Variants in THSD1 observed in about 807,000 individuals in gnomAD.
THSD1 encodes thrombospondin type-1 domain-containing protein 1.
In THSD1, 34 loss-of-function variants were observed where a neutral mutation model predicts 46.3. The observed-to-expected ratio is 0.74, with a 90% CI of 0.56 to 0.98. THSD1 has a LOEUF of 0.98. Ranked by LOEUF, THSD1 falls within the 50% of genes least tolerant of loss-of-function variation. The probability of loss-of-function intolerance (pLI) is 0.00; values close to 1 mark genes in which losing one functional copy is unlikely to be tolerated. For synonymous variants in THSD1, 407 were observed against 416.5 expected, an observed-to-expected ratio of 0.98 and a Z score of 0.28; for missense variants, 1,023 against 1,058.3, an observed-to-expected ratio of 0.97 and a Z score of 0.46.
At chr13:52,379,128 C>G (rs1445916179) in intron 4 of THSD1, among the ~76,000 whole-genome samples, 1 of 152,132 alleles carries the variant, frequency 6.6e-6, no homozygotes, top group Non-Finnish European at 1.5e-5. Context: ...TCCCAAAGTG[C>G]TGGGATTACA....
chr13:52,384,654 G>A (rs1379940361), intron 4 of THSD1, among the ~76,000 whole-genome samples: 5 of 152,162 alleles, frequency 3.3e-5, no homozygotes, highest in South Asian at 2.1e-4. Context: ...AAGATTAGTT[G>A]TCACCAGTGG....
chr13:52,381,798 C>G (rs1178958014), intron 4 of THSD1, among the ~76,000 whole-genome samples: 1 of 152,160 alleles, frequency 6.6e-6, no homozygotes, highest in East Asian at 1.9e-4. Flanking sequence ...TTCTCCAGCC[C>G]TCTCACGCTC....
rs779669295 is a variant in THSD1, at chr13:52,377,531, G to A, written c.2439C>T (p.Asp813=). The change falls in exon 5 of 5, where the codon GAC becomes GAT. Residue 813 remains aspartate, a synonymous_variant. Transcript: ENST00000258613. ...CCTCAGTGAGGCCAAACGACGTATT[G>A]TCATAGAAGGCAAACTCAGGGTGAG... is the stretch of plus-strand genomic sequence containing the variant. ...FPTHPEFAFY[D]NTSFGLTEAE... 9 of 1,600,294 alleles carry A rather than the reference G, an allele frequency of 5.6e-6. No homozygotes were observed. The highest frequency in any genetic ancestry group is 1.7e-5 in the Admixed American group (1 of 59,798).
chr13:52,395,448 TA>T (rs977143845), intron 3 of THSD1, among the ~76,000 whole-genome samples: 16 of 151,938 alleles, frequency 1.1e-4, no homozygotes, highest in African/African-American at 2.9e-4. Flanking sequence ...GAAGCAGTGT[TA>T]GGGGGTACAA....
Position 52,394,561 on chromosome 13 carries a change from C to A in THSD1, c.1021+2671G>T, listed in dbSNP as rs373111949. Among the ~76,000 whole-genome samples the A allele has an allele frequency of 1.7e-4, 25 of 151,476 alleles. No individual in the cohort carries two copies. In the East Asian group the frequency reaches 3.1e-3, roughly 19 times the overall value. The stretch of plus-strand genomic sequence containing the variant: ...CCTGGGAGGTGGAGTTTGCAGTGAG[C>A]CAAGATTGTGCCACTGCACTCCAGC... On this transcript the variant is annotated intron_variant, in intron 3 of 4. Transcript: ENST00000258613.
chr13:52,378,310 C>T lies in THSD1; in HGVS notation c.1660G>A (p.Val554Met), dbSNP rs763106231. The stretch of plus-strand genomic sequence containing the variant: ...GTGTCTGTCAGGGGACTCTGAGACA[C>T]GTGATACACTTTGGTAGTTTCCGTC... ...GLTETTKVYH[V>M]SQSPLTDTAI... Residue 554 changes from valine (V) to methionine (M), a missense_variant, in exon 5 of 5, where the codon GTG (valine) becomes ATG (methionine). This residue lies in a region of THSD1 where 578 missense variants were observed against 497.4 expected (regional missense o/e 1.16). Coordinates refer to ENST00000258613, the MANE Select transcript of THSD1 (RefSeq NM_018676.4). 6.2e-7 allele frequency: 1 copy of T among 1,614,216 alleles called. No individual in the cohort carries two copies. Among genetic ancestry groups the T allele is most frequent in the Non-Finnish European group, 8.5e-7 (1 of 1,180,046 alleles).
chr13:52,403,767 C>T (rs1465745299), intron 1 of THSD1, among the ~76,000 whole-genome samples: 1 of 151,912 alleles, frequency 6.6e-6, no homozygotes, highest in African/African-American at 2.4e-5. Flanking sequence ...CGTAAGCCAC[C>T]GCACCCGGCT....
chr13:52,403,888 A>G (rs935039830), intron 1 of THSD1, among the ~76,000 whole-genome samples: 1 of 151,298 alleles, frequency 6.6e-6, no homozygotes, highest in Admixed American at 6.6e-5. Flanking sequence ...AATATTAAAT[A>G]TAACCAAATA....
intron 2 of THSD1, among the ~76,000 whole-genome samples, chr13:52,401,873 CAT>C (rs1957865690): frequency 2.0e-5 from 3 of 152,180 alleles, no homozygotes; most frequent in Non-Finnish European, 4.4e-5. Flanking sequence ...ATTTGGAAAT[CAT>C]CAAAAGTAGT....
In THSD1 at chr13:52,378,156, G is replaced by T. The variant is rs867541205; in HGVS notation, c.1814C>A (p.Ser605Tyr). The change falls in exon 5 of 5, where the codon TCC (serine) becomes TAC (tyrosine). Residue 605 changes from serine (S) to tyrosine (Y), a missense_variant. Ser to Tyr is a moderately radical substitution (Grantham distance 144). This residue lies in a region of THSD1 where 578 missense variants were observed against 497.4 expected (regional missense o/e 1.16). Transcript: ENST00000258613. Reference protein sequence around the residue: ...PAVSAGERPPSRLDLNVTQAS... With the variant: ...PAVSAGERPPYRLDLNVTQAS... Reference sequence around the variant, plus strand: ...CTGAGTCACATTTAGATCCAGCCTGGAGGGAGGCCTTTCCCCGGCACTGAC... The same window carrying T: ...CTGAGTCACATTTAGATCCAGCCTGTAGGGAGGCCTTTCCCCGGCACTGAC... The T allele has an allele frequency of 1.2e-6, 2 of 1,614,208 alleles. No homozygotes were observed. Among genetic ancestry groups the T allele is most frequent in the Admixed American group, 1.7e-5 (1 of 60,030 alleles).
At chr13:52,396,447 G>A (rs1270663859) in intron 3 of THSD1, among the ~76,000 whole-genome samples, 4 of 152,070 alleles carry the variant, frequency 2.6e-5, no homozygotes, top group Admixed American at 6.6e-5. Flanking sequence ...GCATGAACCC[G>A]GGAGGCAGAG....
chr13:52,401,685 G>C (rs1275914750), intron 2 of THSD1, among the ~76,000 whole-genome samples: 1 of 152,208 alleles, frequency 6.6e-6, no homozygotes, highest in African/African-American at 2.4e-5. Flanking sequence ...AAAAAGAAAA[G>C]ACTGAGAAAG....
chr13:52,387,356 G>A (rs1957740344), intron 3 of THSD1, among the ~76,000 whole-genome samples: 1 of 152,014 alleles, frequency 6.6e-6, no homozygotes, highest in Non-Finnish European at 1.5e-5. Flanking sequence ...AAAAACAGAG[G>A]TATGACCATT....
chr13:52,386,377 G>T (rs9536051), intron 3 of THSD1, among the ~76,000 whole-genome samples, 191 bp from the exon 4 acceptor site: 1 of 151,988 alleles, frequency 6.6e-6, no homozygotes, highest in East Asian at 1.9e-4. Flanking sequence ...ATAATTTAAA[G>T]ATCTTAACCT....
At chr13:52,382,933 C>T (rs61958010) in intron 4 of THSD1, among the ~76,000 whole-genome samples, 5,890 of 151,724 alleles carry the variant, frequency 0.039, 138 homozygotes, top group South Asian at 0.069. Flanking sequence ...ACCCAGGAGG[C>T]GGAGGTTGCA....
intron 2 of THSD1, 165 bp from the exon 3 acceptor site, chr13:52,398,359 A>G: frequency 1.3e-6 from 1 of 746,434 alleles, no homozygotes. Flanking sequence ...TACCCCTAAC[A>G]TCTTGGGCTC....
At chr13:52,394,456 A>G (rs1208136598) in intron 3 of THSD1, among the ~76,000 whole-genome samples, 2 of 152,144 alleles carry the variant, frequency 1.3e-5, no homozygotes, top group Non-Finnish European at 2.9e-5. Flanking sequence ...TCTACTAAAA[A>G]TACAAAATTT....
chr13:52,386,367 A>G (rs953255759), intron 3 of THSD1, among the ~76,000 whole-genome samples, 181 bp from the exon 4 acceptor site: 1 of 152,208 alleles, frequency 6.6e-6, no homozygotes, highest in African/African-American at 2.4e-5. Context: ...GAAAAGCTGT[A>G]TAATTTAAAG....
intron 4 of THSD1, among the ~76,000 whole-genome samples, chr13:52,379,631 C>T (rs1333852035): frequency 6.6e-6 from 1 of 152,112 alleles, no homozygotes; most frequent in Non-Finnish European, 1.5e-5. Context: ...CATGCCACCA[C>T]CCCTGGCTCA....
Sources: allele counts gnomAD v4.1 joint callset (sites outside exome capture counted in the v4.1 genomes callset), GRCh38; gene constraint gnomAD v4.1.1; regional missense constraint gnomAD v4.1.1; transcripts MANE v1.5; gene names NCBI Gene and HGNC (gene_info 2026-07-23, HGNC 2026-07-21).